Variants in PHC2 observed in about 807,000 individuals in gnomAD.
PHC2 encodes the protein polyhomeotic-like protein 2.
A neutral mutation model predicts 87.4 loss-of-function variants in PHC2; 29 were observed. The observed-to-expected ratio is 0.33, with a 90% CI of 0.25 to 0.45. The LOEUF (loss-of-function observed/expected upper bound fraction) is 0.45. Ranked by LOEUF, PHC2 falls within the 20% of genes least tolerant of loss-of-function variation. The pLI is 1.00. For missense variants in PHC2, 857 were observed against 1,136.7 expected, an observed-to-expected ratio of 0.75 and a Z score of 3.54; for synonymous variants, 438 against 461.7, an observed-to-expected ratio of 0.95 and a Z score of 0.66.
intron 9 of PHC2, chr1:33,335,019 G>T: frequency 5.2e-6 from 1 of 190,718 alleles, no homozygotes; most frequent in Non-Finnish European, 9.7e-6. Flanking sequence ...ATGCCCAGAT[G>T]TCAGCTTCTT....
chr1:33,409,259 G>A (rs971810438), intron 1 of PHC2, among the ~76,000 whole-genome samples: 22 of 152,144 alleles, frequency 1.4e-4, no homozygotes, highest in African/African-American at 4.8e-4. Context: ...ATTACAAGAG[G>A]GGAAATTGAA....
rs573802420 is a variant in PHC2, at chr1:33,420,064, G to A, written c.-55+10912C>T. ...CTGGGGATAAGGAGCTAATATATTT[G>A]GGTGGTCATTATTCAGCCTACTATT... On this transcript the variant is annotated intron_variant, in intron 1 of 14. Transcript: ENST00000683057. 8.5e-5 allele frequency among the ~76,000 whole-genome samples: 13 copies of A among 152,216 alleles called. No individual in the cohort carries two copies. In the East Asian group the frequency reaches 2.3e-3, roughly 27 times the overall value.
intron 9 of PHC2, among the ~76,000 whole-genome samples, chr1:33,344,362 T>C: frequency 6.6e-6 from 1 of 152,208 alleles, no homozygotes; most frequent in East Asian, 1.9e-4. Flanking sequence ...GTTAGATAAA[T>C]GTCAGGGGAG....
At chr1:33,341,187 G>A (rs1055697909) in intron 9 of PHC2, among the ~76,000 whole-genome samples, 4 of 152,204 alleles carry the variant, frequency 2.6e-5, no homozygotes, top group African/African-American at 9.7e-5. Flanking sequence ...TATAGCTGTG[G>A]TGAGGATTAA....
In PHC2 at chr1:33,367,406, G is replaced by A. The variant is rs1570490284; in HGVS notation, c.686C>T (p.Thr229Ile). 1 of 1,580,940 alleles carries A rather than the reference G, an allele frequency of 6.3e-7. No individual in the cohort carries two copies. Among genetic ancestry groups the A allele is most frequent in the Non-Finnish European group, 8.6e-7 (1 of 1,160,008 alleles). ...GGCTGCTGCCGCTGGTGTCTGCTGT[G>A]TTCGGAGGGTCAAGTTCTGTACCTG... ...PAQVQNLTLRTQQTPAAAASG... is the reference protein window; with the variant it reads ...PAQVQNLTLRIQQTPAAAASG... Residue 229 changes from threonine to isoleucine, a missense_variant, in exon 7 of 15, where the codon ACA (threonine) becomes ATA (isoleucine). This residue lies in a region of PHC2 where 832 missense variants were observed against 1,081.8 expected (regional missense o/e 0.77). Coordinates refer to ENST00000683057, the MANE Select transcript of PHC2 (RefSeq NM_001385109.1).
At chr1:33,353,509 A>G (rs746508562) in intron 9 of PHC2, 5 of 152,218 alleles carry the variant, frequency 3.3e-5, no homozygotes, top group Non-Finnish European at 5.9e-5. Context: ...TCCTTTCTCC[A>G]TATTCTCTTC....
chr1:33,427,182 C>T (rs1317382208), intron 1 of PHC2, among the ~76,000 whole-genome samples: 2 of 152,136 alleles, frequency 1.3e-5, no homozygotes, highest in South Asian at 4.1e-4. Context: ...TAATCTGGTG[C>T]TGGGAAGATT....
chr1:33,427,572 A>G (rs1349744979), intron 1 of PHC2, among the ~76,000 whole-genome samples: 4 of 151,792 alleles, frequency 2.6e-5, no homozygotes, highest in East Asian at 1.9e-4. Flanking sequence ...TCATATCCCC[A>G]TGGCCACCCC....
chr1:33,351,273 A>G (rs928433191), intron 9 of PHC2, among the ~76,000 whole-genome samples: 19 of 152,242 alleles, frequency 1.2e-4, no homozygotes, highest in Non-Finnish European at 2.6e-4. Flanking sequence ...ATCATGAAAT[A>G]GAATTCTTTT....
At chr1:33,337,406 G>T (rs1646662422) in intron 9 of PHC2, among the ~76,000 whole-genome samples, 1 of 152,138 alleles carries the variant, frequency 6.6e-6, no homozygotes, top group South Asian at 2.1e-4. Flanking sequence ...TCCTCGTTCT[G>T]TTCCTTAAAC....
intron 1 of PHC2, among the ~76,000 whole-genome samples, chr1:33,429,625 T>C (rs972576404): frequency 1.3e-5 from 2 of 152,240 alleles, no homozygotes; most frequent in African/African-American, 4.8e-5. Context: ...TTAATCACTT[T>C]TACTAGCAAT....
intron 1 of PHC2, among the ~76,000 whole-genome samples, chr1:33,402,835 C>CTTT (rs35208971): frequency 0.48 from 71,992 of 150,752 alleles, 18,480 homozygotes; most frequent in South Asian, 0.62. Context: ...AGGGAAAACT[C>CTTT]TTTTTTTTGA....
At chr1:33,401,171 A>G (rs1335513695) in intron 1 of PHC2, among the ~76,000 whole-genome samples, 1 of 152,032 alleles carries the variant, frequency 6.6e-6, no homozygotes, top group Non-Finnish European at 1.5e-5. Flanking sequence ...CTAAAAATAC[A>G]AAAAATTAGC....
chr1:33,342,506 C>T (rs780724018), intron 9 of PHC2, among the ~76,000 whole-genome samples: 1 of 152,056 alleles, frequency 6.6e-6, no homozygotes, highest in Non-Finnish European at 1.5e-5. Context: ...ATCAATGGAG[C>T]GAACAGCCAC....
At chr1:33,429,503 C>T (rs765661974) in intron 1 of PHC2, among the ~76,000 whole-genome samples, 1 of 152,220 alleles carries the variant, frequency 6.6e-6, no homozygotes, top group Non-Finnish European at 1.5e-5. Flanking sequence ...ATTTATCCTT[C>T]AACACCTTGC....
intron 12 of PHC2, among the ~76,000 whole-genome samples, chr1:33,330,944 C>T (rs961079839): frequency 4.6e-5 from 7 of 152,188 alleles, no homozygotes; most frequent in South Asian, 2.1e-4. Context: ...AGCAGGTTCT[C>T]AGGAAATGGC....
chr1:33,367,755 T>A (rs1647564120), intron 6 of PHC2, among the ~76,000 whole-genome samples: 1 of 152,014 alleles, frequency 6.6e-6, no homozygotes, highest in African/African-American at 2.4e-5. Flanking sequence ...ACTTTCAGGA[T>A]TGGATGCACA....
chr1:33,387,431 A>G (rs1648820492), intron 1 of PHC2, among the ~76,000 whole-genome samples: 1 of 152,224 alleles, frequency 6.6e-6, no homozygotes, highest in Admixed American at 6.5e-5. Context: ...AGAGACTGCC[A>G]GGGATAGATG....
intron 1 of PHC2, among the ~76,000 whole-genome samples, chr1:33,411,909 A>AACC (rs1238076932): frequency 6.6e-6 from 1 of 152,176 alleles, no homozygotes; most frequent in African/African-American, 2.4e-5. Context: ...TTCAATACTC[A>AACC]ACCATCATAA....
Sources: allele counts gnomAD v4.1 joint callset (sites outside exome capture counted in the v4.1 genomes callset), GRCh38; gene constraint gnomAD v4.1.1; regional missense constraint gnomAD v4.1.1; transcripts MANE v1.5; gene names NCBI Gene and HGNC (gene_info 2026-07-23, HGNC 2026-07-21).